The following TFAP2A variants were observed in gnomAD, a reference collection of about 807,000 sequenced individuals.
TFAP2A encodes the protein transcription factor AP-2 alpha.
Under a neutral mutation model 41.5 loss-of-function variants are expected in TFAP2A, and 7 were observed. The observed-to-expected ratio is 0.17, with a 90% CI of 0.10 to 0.32. The LOEUF is 0.32. Ranked by LOEUF, TFAP2A falls within the 10% of genes least tolerant of loss-of-function variation. TFAP2A has a pLI of 1.00. For missense variants in TFAP2A, 416 were observed against 563.3 expected (o/e 0.74, Z 2.65); for synonymous variants, 247 against 242.8 (o/e 1.02, Z -0.16).
intron 2 of TFAP2A, chr6:10,409,455 T>A (rs1238506490): frequency 1.1e-5 from 2 of 189,814 alleles, no homozygotes; most frequent in Non-Finnish European, 2.2e-5. Flanking sequence ...AAAATGATCT[T>A]AGTGTGTCTT....
At position 10,398,251 on chromosome 6, in the gene TFAP2A, C is replaced by A. The variant is rs554863655; in HGVS notation, c.*166G>T. On this transcript the variant is annotated 3_prime_UTR_variant, in exon 7 of 7. Transcript: ENST00000379613. The surrounding 1 kb of genome is among the most constrained non-coding windows in gnomAD (Gnocchi z 5.3). Reference sequence around the variant, plus strand: ...CCCCACTGACAGTCGAGAGGGCAGTCCCGGAGACTCGGGGGGACCCAAGGG... The same window carrying A: ...CCCCACTGACAGTCGAGAGGGCAGTACCGGAGACTCGGGGGGACCCAAGGG... The A allele has an allele frequency of 5.9e-6, 9 of 1,525,628 alleles. No individual in the cohort carries two copies. In the African/African-American group the frequency reaches 1.2e-4, roughly 21 times the overall value. The allele number at this position is 1,525,628 out of a possible 1,614,324, so 94.5% of individuals were successfully genotyped here.
At chr6:10,408,494 T>C (rs1252541454) in intron 2 of TFAP2A, among the ~76,000 whole-genome samples, 2 of 152,212 alleles carry the variant, frequency 1.3e-5, no homozygotes, top group East Asian at 3.8e-4. Context: ...TCAGAGTGCT[T>C]TGGGAAAGGG....
chr6:10,398,341 C>T lies in TFAP2A; in HGVS notation c.*76G>A. ...CAGCAGCAGGAAGGGTTGCTGATCCCGGAGCTGTCACCCGCCGGAGGGTGG... is the reference window on the plus strand; with the variant it reads ...CAGCAGCAGGAAGGGTTGCTGATCCTGGAGCTGTCACCCGCCGGAGGGTGG... On this transcript the variant is annotated 3_prime_UTR_variant, in exon 7 of 7. Transcript: ENST00000379613. This position sits in a 1 kb window ranked among gnomAD's most constrained non-coding sequence, Gnocchi z 5.3. 1.3e-6 allele frequency: 2 copies of T among 1,522,604 alleles called. No individual in the cohort carries two copies. The highest frequency in any genetic ancestry group is 1.8e-6 in the Non-Finnish European group (2 of 1,140,096). The allele number at this position is 1,522,604 out of a possible 1,614,324, so 94.3% of individuals were successfully genotyped here. A position where few individuals can be genotyped will look rare whatever the true frequency, so the allele number is the denominator to read the frequency against.
chr6:10,406,706 G>A, intron 3 of TFAP2A, 87 bp downstream of exon 3: 1 of 1,186,542 alleles, frequency 8.4e-7, no homozygotes, highest in Non-Finnish European at 1.3e-6. Context: ...AATCCTATTT[G>A]GAAAAAATAA....
intron 4 of TFAP2A, among the ~76,000 whole-genome samples, chr6:10,404,218 G>A (rs1284591348): frequency 6.6e-6 from 1 of 152,042 alleles, no homozygotes; most frequent in Non-Finnish European, 1.5e-5. Context: ...GCTTGCGCGA[G>A]GAGGAGGGCG....
chr6:10,399,029 A>T (rs1487567278), intron 6 of TFAP2A, among the ~76,000 whole-genome samples: 2 of 152,234 alleles, frequency 1.3e-5, no homozygotes, highest in Admixed American at 1.3e-4. Flanking sequence ...CACACATTGG[A>T]AGAGAAAGAA....
chr6:10,398,497 T>C lies in TFAP2A; in HGVS notation c.1240A>G (p.Met414Val). Residue 414 changes from methionine (M) to valine (V), a missense_variant, in exon 7 of 7, where the codon ATG becomes GTG. Met to Val is a conservative substitution (Grantham distance 21, BLOSUM62 1). Transcript: ENST00000379613. This position sits in a 1 kb window ranked among gnomAD's most constrained non-coding sequence, Gnocchi z 5.3. ...CTGTTGGGGTTGTTGCTGAGGTACA[T>C]TTTGTCCATGGCCTTGAGGGCCTCG... ...LTEALKAMDK[M>V]YLSNNPNSHT... 1 of 1,614,204 alleles carries C rather than the reference T, an allele frequency of 6.2e-7. No homozygotes were observed. The highest frequency in any genetic ancestry group is 8.5e-7 in the Non-Finnish European group (1 of 1,180,024).
intron 2 of TFAP2A, chr6:10,407,882 C>G (rs1267365294): frequency 2.6e-5 from 4 of 152,076 alleles, no homozygotes; most frequent in African/African-American, 7.2e-5. Flanking sequence ...TTGTAACTTG[C>G]CTAAAGTGCT....
upstream of TFAP2A, chr6:10,416,960 G>C (rs1323054438): frequency 6.6e-6 from 1 of 152,620 alleles, no homozygotes; most frequent in African/African-American, 2.4e-5. Context: ...CGGGCTGGAG[G>C]CTTGGCGCCG....
At chr6:10,411,066 C>A (rs913433458) in intron 1 of TFAP2A, 2 of 139,666 alleles carry the variant, frequency 1.4e-5, no homozygotes, top group African/African-American at 5.3e-5. Flanking sequence ...CCCGCCCCTT[C>A]CACCCCAGCC....
chr6:10,417,871 G>T (rs1758302138), upstream of TFAP2A, among the ~76,000 whole-genome samples: 1 of 152,132 alleles, frequency 6.6e-6, no homozygotes, highest in African/African-American at 2.4e-5. Context: ...GCAGTCTCGC[G>T]GCTTTCAAAC....
In TFAP2A at chr6:10,400,505, C is replaced by A; in HGVS notation, c.974G>T (p.Arg325Leu). The A allele has an allele frequency of 6.2e-7, 1 of 1,614,100 alleles. No individual in the cohort carries two copies. Among genetic ancestry groups the A allele is most frequent in the East Asian group, 2.2e-5 (1 of 44,892 alleles). ...TTGCTCATTGGGATCGGAATGTTGT[C>A]GGTTGAGAAATTCAGCTACTGCTTT... ...PAKAVAEFLN[R>L]QHSDPNEQVT... The change falls in exon 6 of 7, where the codon CGA becomes CTA. Residue 325 changes from arginine to leucine, a missense_variant. Physicochemically the swap from Arg to Leu is moderately radical, Grantham distance 102. Transcript: ENST00000379613.
At position 10,398,322 on chromosome 6, in the gene TFAP2A, C is replaced by A; in HGVS notation, c.*95G>T. On this transcript the variant is annotated 3_prime_UTR_variant, in exon 7 of 7. Transcript: ENST00000379613. This position sits in a 1 kb window ranked among gnomAD's most constrained non-coding sequence, Gnocchi z 5.3. ...GCAGCAGCAGCAGCAGTAGCAGCAG[C>A]AGGAAGGGTTGCTGATCCCGGAGCT... 1 of 1,592,746 alleles carries A rather than the reference C, an allele frequency of 6.3e-7. No homozygotes were observed. Among genetic ancestry groups the A allele is most frequent in the Non-Finnish European group, 8.5e-7 (1 of 1,176,192 alleles).
chr6:10,404,474 G>C (rs1156449898), intron 4 of TFAP2A, 34 bp downstream of exon 4: 2 of 1,440,244 alleles, frequency 1.4e-6, no homozygotes, highest in African/African-American at 2.9e-5. Flanking sequence ...CCCCGGCCGC[G>C]GGGCGGGGCG....
rs1226036280 is a variant in TFAP2A, at chr6:10,413,928, C to G, written c.51+1013G>C. Among the ~76,000 whole-genome samples, 4 of 152,076 alleles carry G rather than the reference C, an allele frequency of 2.6e-5. No individual in the cohort carries two copies. The East Asian group carries it at 7.7e-4, about 29-fold the overall frequency. On this transcript the variant is annotated intron_variant, in intron 1 of 6. Transcript: ENST00000379613. The stretch of plus-strand genomic sequence containing the variant: ...CTATTTATTTAGGTAATCTCCAGCC[C>G]TACACACCCCAACCCCTCTCTCGGA...
At chr6:10,418,205 G>T (rs941243115), upstream of TFAP2A, 1 of 152,198 alleles carries the variant, frequency 6.6e-6, no homozygotes, top group African/African-American at 2.4e-5. Flanking sequence ...ATATAAAAGA[G>T]CTCACTCTTG....
intron 1 of TFAP2A, chr6:10,414,487 A>G: frequency 3.5e-6 from 1 of 284,602 alleles, no homozygotes; most frequent in Non-Finnish European, 6.9e-6. Context: ...GAATGAATGA[A>G]TGAATAGAAA....
chr6:10,414,188 T>A (rs1236869837), intron 1 of TFAP2A, among the ~76,000 whole-genome samples: 1 of 152,144 alleles, frequency 6.6e-6, no homozygotes, highest in Non-Finnish European at 1.5e-5. Context: ...AAGCTGGTGC[T>A]CCCGCACCCA....
At chr6:10,407,004 T>C (rs1165569979) in intron 2 of TFAP2A, 160 bp from the exon 3 acceptor site, 10 of 682,778 alleles carry the variant, frequency 1.5e-5, no homozygotes, top group East Asian at 1.1e-4. Flanking sequence ...TATTGGAATT[T>C]GGGGCTTTGC....
Sources: gnomAD v4.1 joint callset for allele counts (sites outside exome capture counted in the v4.1 genomes callset) on GRCh38, gnomAD v4.1.1 for gene constraint, Gnocchi (gnomAD v3.1) non-coding constraint, MANE v1.5 for transcripts, NCBI Gene and HGNC (gene_info 2026-07-23, HGNC 2026-07-21) for gene names.